LGSN: variants seen among roughly 807,000 people sequenced by gnomAD.
LGSN encodes lengsin, lens protein with glutamine synthetase domain.
LGSN carries 21 observed loss-of-function variants against 19.5 expected under a neutral mutation model. The ratio of observed to expected loss-of-function variants is 1.07; its 90% confidence interval spans 0.76 to 1.55. The LOEUF (loss-of-function observed/expected upper bound fraction) is 1.55, where lower values mean the gene tolerates loss of function less well. LGSN is among the 40% of genes most tolerant of loss of function. LGSN has a pLI of 0.00. For missense variants in LGSN, 673 were observed against 608.5 expected, an observed-to-expected ratio of 1.11 and a Z score of -1.12; for synonymous variants, 257 against 215.6, an observed-to-expected ratio of 1.19 and a Z score of -1.68.
chr6:63,318,990 T>A (rs769496069), intron 1 of LGSN, among the ~76,000 whole-genome samples: 7 of 152,188 alleles, frequency 4.6e-5, no homozygotes, highest in Non-Finnish European at 1.0e-4. Context: ...AACAGTGACA[T>A]GACAGTACAG....
chr6:63,480,319 C>T, the LGSN span: 196 of 213,550 alleles, frequency 9.2e-4, 2 homozygotes, highest in Non-Finnish European at 3.6e-4. Context: ...TCAAGTCTTA[C>T]GAAAAGGAAA....
At chr6:63,380,179 A>G in the LGSN span, among the ~76,000 whole-genome samples, 1 of 152,190 alleles carries the variant, frequency 6.6e-6, no homozygotes. Context: ...TATGGCTTTT[A>G]GTCATTTACA....
At chr6:63,407,252 T>A in the LGSN span, among the ~76,000 whole-genome samples, 4 of 151,870 alleles carry the variant, frequency 2.6e-5, no homozygotes, top group African/African-American at 9.7e-5. Context: ...ACCAATATCC[T>A]TGATGAACAT....
the LGSN span, among the ~76,000 whole-genome samples, chr6:63,412,131 C>A: frequency 1.3e-5 from 2 of 152,132 alleles, no homozygotes; most frequent in East Asian, 3.9e-4. Flanking sequence ...CTTTGGGAAG[C>A]TGAGGTGGGC....
At chr6:63,338,609 C>T in the LGSN span, among the ~76,000 whole-genome samples, 1 of 152,110 alleles carries the variant, frequency 6.6e-6, no homozygotes, top group South Asian at 2.1e-4. Context: ...GTTAGTTTAG[C>T]TAACAGTTTA....
chr6:63,435,791 TA>T, the LGSN span, among the ~76,000 whole-genome samples: 1 of 150,722 alleles, frequency 6.6e-6, no homozygotes. Context: ...TTGAATTGAA[TA>T]AAAAATATTA....
chr6:63,378,579 AT>A, the LGSN span, among the ~76,000 whole-genome samples: 1 of 152,196 alleles, frequency 6.6e-6, no homozygotes, highest in Non-Finnish European at 1.5e-5. Flanking sequence ...TGGCACCAGC[AT>A]TGGCTTCAGG....
chr6:63,504,165 T>A, the LGSN span, among the ~76,000 whole-genome samples: 1 of 151,530 alleles, frequency 6.6e-6, no homozygotes, highest in Non-Finnish European at 1.5e-5. Context: ...TGAAACAGAG[T>A]TTTGTTCTTG....
chr6:63,442,744 A>G, the LGSN span, among the ~76,000 whole-genome samples: 1 of 152,092 alleles, frequency 6.6e-6, no homozygotes, highest in African/African-American at 2.4e-5. Flanking sequence ...AAGTTCTCCA[A>G]GTCCCCACCA....
chr6:63,283,697 T>C (rs1395335750), intron 3 of LGSN, among the ~76,000 whole-genome samples: 1 of 151,744 alleles, frequency 6.6e-6, no homozygotes. Context: ...AGATGAATCT[T>C]TTTTTTATTT....
rs767942710 is a variant in LGSN at position 63,285,724 on chromosome 6, T to C, written c.193A>G (p.Thr65Ala). 4 of 1,612,880 alleles carry C rather than the reference T, an allele frequency of 2.5e-6. No homozygotes were observed. The highest frequency in any genetic ancestry group is 3.4e-6 in the Non-Finnish European group (4 of 1,179,046). ...ATTCTAGAAGAGAGTTGAGGTGGGG[T>C]CAAAATTTGACTGCTGTCCCTCATG... ...DCMRDSSQIL[T>A]PPQLSSRMKH... is the part of the protein sequence containing the mutation. Residue 65 changes from threonine (T) to alanine (A), a missense_variant, in exon 3 of 4, where the codon ACC becomes GCC. By Grantham distance (58) the Thr-to-Ala change is moderately conservative. Coordinates refer to ENST00000370657, the MANE Select transcript of LGSN (RefSeq NM_016571.3).
chr6:63,458,022 A>G, the LGSN span, among the ~76,000 whole-genome samples: 2 of 151,418 alleles, frequency 1.3e-5, no homozygotes, highest in East Asian at 3.9e-4. Context: ...TATTTTCACA[A>G]TTCTTTCTCC....
chr6:63,331,805 C>G, the LGSN span, among the ~76,000 whole-genome samples: 3 of 152,136 alleles, frequency 2.0e-5, no homozygotes, highest in African/African-American at 7.2e-5. Flanking sequence ...AACCTGCACC[C>G]TTGCCTGTCC....
chr6:63,346,215 G>T, the LGSN span, among the ~76,000 whole-genome samples: 1 of 151,908 alleles, frequency 6.6e-6, no homozygotes, highest in African/African-American at 2.4e-5. Flanking sequence ...TTGTTTTAAT[G>T]AGGCAACTCT....
chr6:63,390,558 T>A, the LGSN span, among the ~76,000 whole-genome samples: 15 of 151,960 alleles, frequency 9.9e-5, no homozygotes, highest in Admixed American at 9.8e-4. Flanking sequence ...GAATTTGTTT[T>A]ATTGAAAATT....
rs112544838 is a variant in LGSN, at chr6:63,281,855, C to A, written c.331-635G>T. 6.1e-3 allele frequency among the ~76,000 whole-genome samples: 925 copies of A among 152,300 alleles called. 7 individuals carry two copies. Among genetic ancestry groups the A allele is most frequent in the African/African-American group, 0.02 (850 of 41,572 alleles). ...CCTCACTGTCTCAGAGTCCCAGAAC[C>A]CTTGTCCATGAATGTGGACCTATAA... On this transcript the variant is annotated intron_variant, in intron 3 of 3. Transcript: ENST00000370657.
the LGSN span, among the ~76,000 whole-genome samples, chr6:63,528,659 G>A: frequency 6.6e-6 from 1 of 152,116 alleles, no homozygotes; most frequent in South Asian, 2.1e-4. Context: ...TACTCAGGAG[G>A]CTGAAGTGGG....
the LGSN span, among the ~76,000 whole-genome samples, chr6:63,425,247 C>T: frequency 6.6e-6 from 1 of 152,182 alleles, no homozygotes; most frequent in African/African-American, 2.4e-5. Context: ...ACTGTACAAC[C>T]CAGCAACTGT....
intron 1 of LGSN, among the ~76,000 whole-genome samples, chr6:63,310,258 A>C (rs994368894): frequency 2.0e-5 from 3 of 152,166 alleles, no homozygotes; most frequent in African/African-American, 7.2e-5. Flanking sequence ...ATCCATTACA[A>C]AATGATTAAT....
Sources: gnomAD v4.1 joint callset for allele counts (sites outside exome capture counted in the v4.1 genomes callset) on GRCh38, gnomAD v4.1.1 for gene constraint, MANE v1.5 for transcripts, NCBI Gene and HGNC (gene_info 2026-07-23, HGNC 2026-07-21) for gene names.